The following PTPRC variants were observed in gnomAD, a reference collection of about 807,000 sequenced individuals.
PTPRC encodes the protein protein tyrosine phosphatase receptor type C, also known as receptor-type tyrosine-protein phosphatase C.
A neutral mutation model predicts 155.9 loss-of-function variants in PTPRC; 44 were observed. The observed-to-expected ratio is 0.28, with a 90% CI of 0.22 to 0.36. The LOEUF is 0.36. Among genes scored for constraint, PTPRC ranks in the 10% least tolerant of loss-of-function variants. The probability of loss-of-function intolerance (pLI) is 1.00; values close to 1 mark genes in which losing one functional copy is unlikely to be tolerated. For missense variants in PTPRC, 1,401 were observed against 1,564.6 expected (o/e 0.90, Z 1.76); for synonymous variants, 525 against 533.1 (o/e 0.98, Z 0.21).
At chr1:198,665,475 A>G (rs908248463) in intron 2 of PTPRC, among the ~76,000 whole-genome samples, 1 of 152,180 alleles carries the variant, frequency 6.6e-6, no homozygotes, top group Non-Finnish European at 1.5e-5. Flanking sequence ...GAACAAGCAG[A>G]TGTCAAAGAT....
intron 2 of PTPRC, among the ~76,000 whole-genome samples, chr1:198,654,066 C>T (rs775160444): frequency 1.1e-4 from 16 of 151,632 alleles, no homozygotes; most frequent in South Asian, 2.1e-4. Context: ...ATAAAATTGA[C>T]GTGATTTTAA....
Position 198,754,136 on chromosome 1 carries a change from G to A in PTPRC, c.3510-133G>A, listed in dbSNP as rs1341076434. 7.2e-6 allele frequency: 8 copies of A among 1,114,596 alleles called. No homozygotes were observed. In the Admixed American group the frequency reaches 1.5e-4, roughly 21 times the overall value. The allele number at this position is 1,114,596 out of a possible 1,614,324, so 69.0% of individuals were successfully genotyped here. ...ATTTAGCGTAAATAATTTGGTTCTT[G>A]AAAGAGGTTGGAATAAGATAATTAT... is the stretch of plus-strand genomic sequence containing the variant. On this transcript the variant is annotated intron_variant, in intron 31 of 32. Coordinates refer to ENST00000442510, the MANE Select transcript of PTPRC (RefSeq NM_002838.5).
At position 198,742,300 on chromosome 1, in the gene PTPRC, A is replaced by G. The variant is rs761763145; in HGVS notation, c.2630A>G (p.Asn877Ser). 1.9e-6 allele frequency: 3 copies of G among 1,612,422 alleles called. No homozygotes were observed. The highest frequency in any genetic ancestry group is 2.5e-6 in the Non-Finnish European group (3 of 1,178,952). Residue 877 changes from asparagine (N) to serine (S), a missense_variant, in exon 25 of 33, where the codon AAC becomes AGC. Transcript: ENST00000442510. The part of the protein sequence containing the change: ...DAMLEGLEAE[N>S]KVDVYGYVVK... ...ATGCTAGAAGGCCTGGAAGCCGAGA[A>G]CAAAGTGGATGTTTATGGTTATGTT...
intron 2 of PTPRC, among the ~76,000 whole-genome samples, chr1:198,641,738 C>A (rs1662594563): frequency 6.6e-6 from 1 of 151,928 alleles, no homozygotes; most frequent in African/African-American, 2.4e-5. Context: ...TAATGCCAGG[C>A]AGATCTACCA....
At chr1:198,730,660 G>A (rs72738074) in intron 17 of PTPRC, among the ~76,000 whole-genome samples, 2,050 of 152,180 alleles carry the variant, frequency 0.013, 25 homozygotes, top group Non-Finnish European at 0.016. Flanking sequence ...CTCAAAATTG[G>A]TACCGATTGC....
chr1:198,656,065 C>A (rs895974925), intron 2 of PTPRC, among the ~76,000 whole-genome samples: 5 of 152,024 alleles, frequency 3.3e-5, no homozygotes, highest in African/African-American at 7.2e-5. Flanking sequence ...AAAAGATTCA[C>A]AGGTGAGAAT....
intron 12 of PTPRC, among the ~76,000 whole-genome samples, chr1:198,713,505 A>T (rs1653415342): frequency 6.6e-6 from 1 of 152,172 alleles, no homozygotes; most frequent in Admixed American, 6.5e-5. Context: ...AAAAATGAAC[A>T]TGGGCCCATG....
chr1:198,716,911 T>C, intron 13 of PTPRC, 71 bp downstream of exon 13: 1 of 1,403,790 alleles, frequency 7.1e-7, no homozygotes, highest in East Asian at 2.3e-5. Context: ...TAGCCTACAA[T>C]ATTTCTATCT....
chr1:198,670,385 A>G (rs918694858), intron 2 of PTPRC, among the ~76,000 whole-genome samples: 1 of 152,188 alleles, frequency 6.6e-6, no homozygotes. Flanking sequence ...AAGATTTGTG[A>G]TAAAACAAGA....
intron 32 of PTPRC, among the ~76,000 whole-genome samples, chr1:198,755,249 C>T (rs188335376): frequency 6.5e-4 from 99 of 152,170 alleles, no homozygotes; most frequent in African/African-American, 2.3e-3. Flanking sequence ...ATCGATCTAT[C>T]GTGTATACCC....
intron 3 of PTPRC, chr1:198,693,962 T>C (rs944737065): frequency 6.6e-7 from 1 of 1,526,072 alleles, no homozygotes; most frequent in Non-Finnish European, 8.8e-7. Context: ...TAGATGTGTA[T>C]ATGAGGGGTA....
At chr1:198,738,659 C>T (rs951368157) in intron 23 of PTPRC, among the ~76,000 whole-genome samples, 5 of 151,598 alleles carry the variant, frequency 3.3e-5, no homozygotes, top group Admixed American at 1.3e-4. Flanking sequence ...TAATACTGGC[C>T]TTGCAGAATG....
At position 198,716,750 on chromosome 1, in the gene PTPRC, A is replaced by G; in HGVS notation, c.1360A>G (p.Lys454Glu). 6.2e-7 allele frequency: 1 copy of G among 1,612,942 alleles called. No homozygotes were observed. ...YDLQNLKPYT[K>E]YVLSLHAYII... Reference sequence around the variant, plus strand: ...TTTGCAAAATTTAAAACCTTATACGAAATATGTTTTATCATTACATGCCTA... The same window carrying G: ...TTTGCAAAATTTAAAACCTTATACGGAATATGTTTTATCATTACATGCCTA... Residue 454 changes from lysine (K) to glutamate (E), a missense_variant, in exon 13 of 33, where the codon AAA becomes GAA. Lys to Glu is a moderately conservative substitution (Grantham distance 56). Coordinates refer to ENST00000442510, the MANE Select transcript of PTPRC (RefSeq NM_002838.5).
intron 2 of PTPRC, among the ~76,000 whole-genome samples, chr1:198,669,847 C>T (rs1296284431): frequency 1.3e-5 from 2 of 152,162 alleles, no homozygotes; most frequent in African/African-American, 4.8e-5. Flanking sequence ...CAAAATGCGA[C>T]ATCTTCTTAC....
chr1:198,756,907 A>G lies in PTPRC; in HGVS notation c.*726A>G, dbSNP rs1356891077. 1.3e-5 allele frequency: 2 copies of G among 151,900 alleles called. No individual in the cohort carries two copies. Among genetic ancestry groups the G allele is most frequent in the Non-Finnish European group, 2.9e-5 (2 of 67,856 alleles). 9.4% of individuals were successfully genotyped at this position (151,900 alleles called of 1,614,324 possible). On this transcript the variant is annotated 3_prime_UTR_variant, in exon 33 of 33. Transcript: ENST00000442510. ...TGGGGTTTTCAATTTTGCATGCTCG[A>G]TTATTCCCTGTACAATATTTAAAAT...
Position 198,653,153 on chromosome 1 carries a change from C to G in PTPRC, c.73+13812C>G, listed in dbSNP as rs1663349189. 2.0e-5 allele frequency among the ~76,000 whole-genome samples: 3 copies of G among 151,698 alleles called. No homozygotes were observed. The Admixed American group carries it at 2.0e-4, about 10-fold the overall frequency. ...ATCTTAATTAGTCACTTTTCAAGAACAAATGTGTTATGCTCAAAGCATCCA... is the reference window on the plus strand; with the variant it reads ...ATCTTAATTAGTCACTTTTCAAGAAGAAATGTGTTATGCTCAAAGCATCCA... On this transcript the variant is annotated intron_variant, in intron 2 of 32. Coordinates refer to ENST00000442510, the MANE Select transcript of PTPRC (RefSeq NM_002838.5).
chr1:198,720,463 G>A (rs1284760752), intron 14 of PTPRC, among the ~76,000 whole-genome samples: 1 of 152,090 alleles, frequency 6.6e-6, no homozygotes, highest in African/African-American at 2.4e-5. Context: ...CCAAGAAGCT[G>A]GGATTACAGG....
intron 32 of PTPRC, among the ~76,000 whole-genome samples, chr1:198,755,533 C>CTT (rs935203870): frequency 6.6e-6 from 1 of 151,986 alleles, no homozygotes; most frequent in Non-Finnish European, 1.5e-5. Flanking sequence ...TTAATTTAAA[C>CTT]TTTAGGAATC....
chr1:198,755,573 G>T (rs1330454587), intron 32 of PTPRC, among the ~76,000 whole-genome samples: 1 of 152,020 alleles, frequency 6.6e-6, no homozygotes, highest in East Asian at 1.9e-4. Context: ...AGTGATTCCT[G>T]CCCTGATTCT....
Sources: allele counts gnomAD v4.1 joint callset (sites outside exome capture counted in the v4.1 genomes callset), GRCh38; gene constraint gnomAD v4.1.1; transcripts MANE v1.5; gene names NCBI Gene and HGNC (gene_info 2026-07-23, HGNC 2026-07-21).